Variants in ZNF878 observed in about 807,000 individuals in gnomAD.
ZNF878 encodes zinc finger protein 878.
Under a neutral mutation model 11.1 loss-of-function variants are expected in ZNF878, and 10 were observed. The observed-to-expected ratio is 0.90, with a 90% confidence interval of 0.56 to 1.53. ZNF878 has a LOEUF of 1.53. Ranked by LOEUF, ZNF878 falls within the 40% of genes most tolerant of loss-of-function variation. ZNF878 has a pLI of 0.00. For missense variants in ZNF878, 548 were observed against 626.1 expected (o/e 0.88, Z 1.33); for synonymous variants, 165 against 209.7 (o/e 0.79, Z 1.84).
intron 3 of ZNF878, 31 bp downstream of exon 3, chr19:12,046,337 G>T (rs766108997): frequency 1.4e-6 from 2 of 1,469,408 alleles, no homozygotes; most frequent in Non-Finnish European, 1.9e-6. Flanking sequence ...TGTATACAGA[G>T]ACATTGTTTT....
chr19:12,046,832 G>A (rs1349381790), intron 1 of ZNF878, 72 bp from the exon 2 acceptor site: 1 of 1,589,560 alleles, frequency 6.3e-7, no homozygotes, highest in Admixed American at 1.8e-5. Flanking sequence ...CCTATTCCTA[G>A]GAAGTTCTCA....
chr19:12,048,087 A>ATGTTGAGTTTGCAACAT (rs1383781116), intron 1 of ZNF878, among the ~76,000 whole-genome samples: 2 of 152,360 alleles, frequency 1.3e-5, no homozygotes, highest in East Asian at 3.9e-4. Context: ...GACTCAACAC[A>ATGTTGAGTTTGCAACAT]GTGGCATGTT....
chr19:12,046,189 C>T (rs1466248750), intron 3 of ZNF878, 179 bp downstream of exon 3: 1 of 531,728 alleles, frequency 1.9e-6, no homozygotes, highest in African/African-American at 1.9e-5. Flanking sequence ...ATCCTGACCT[C>T]CAAAAGGGCT....
chr19:12,043,773 A>C, downstream of ZNF878: 1 of 1,542,976 alleles, frequency 6.5e-7, no homozygotes, highest in South Asian at 1.3e-5. Flanking sequence ...CCATCTAAGG[A>C]CTTTACCATA....
In ZNF878 at chr19:12,044,314, C is replaced by T. The variant is rs372017679; in HGVS notation, c.1087G>A (p.Gly363Arg). The T allele has an allele frequency of 1.1e-5, 18 of 1,612,688 alleles. No homozygotes were observed. Among genetic ancestry groups the T allele is most frequent in the African/African-American group, 2.7e-5 (2 of 74,884 alleles). ...TGTTTACATTCAAAGGGTTTCTCTCCAGTGTGTGTCCTTTCATGTATTCGA... is the reference window on the plus strand; with the variant it reads ...TGTTTACATTCAAAGGGTTTCTCTCTAGTGTGTGTCCTTTCATGTATTCGA... ...DLRIHERTHTGEKPFECKQCG... is the reference protein window; with the variant it reads ...DLRIHERTHTREKPFECKQCG... The change falls in exon 4 of 4, where the codon GGA (glycine) becomes AGA (arginine). Residue 363 changes from glycine to arginine, a missense_variant. This residue lies in a region of ZNF878 where 335 missense variants were observed against 358.2 expected (regional missense o/e 0.94). Transcript: ENST00000547628.
chr19:12,044,559 T>C lies in ZNF878; in HGVS notation c.842A>G (p.Lys281Arg). ...QYHERTHSGE[K>R]PYECTQCRKA... ...CCTACATTGTGTACACTCATAGGGT[T>C]TCTCTCCACTGTGAGTCCTTTCATG... Residue 281 changes from lysine to arginine, a missense_variant, in exon 4 of 4, where the codon AAA becomes AGA. By Grantham distance (26) the Lys-to-Arg change is conservative (BLOSUM62 2). This residue lies in a region of ZNF878 where 335 missense variants were observed against 358.2 expected (regional missense o/e 0.94). Transcript: ENST00000547628. 1 of 1,614,112 alleles carries C rather than the reference T, an allele frequency of 6.2e-7. No homozygotes were observed. Among genetic ancestry groups the C allele is most frequent in the Non-Finnish European group, 8.5e-7 (1 of 1,180,018 alleles).
intron 1 of ZNF878, 118 bp downstream of exon 1, chr19:12,052,681 G>C: frequency 7.7e-7 from 1 of 1,306,020 alleles, no homozygotes; most frequent in East Asian, 2.6e-5. Flanking sequence ...GCGCTAGGGG[G>C]ACTGTGTCTG....
chr19:12,045,949 G>T (rs986746619), intron 3 of ZNF878: 1 of 156,464 alleles, frequency 6.4e-6, no homozygotes, highest in Admixed American at 6.4e-5. Context: ...TCAATCTCTT[G>T]ACCTCATGAT....
rs768724522 is a variant in ZNF878, at chr19:12,046,435, T to C, written c.131-7A>G. On this transcript the variant is annotated splice_polypyrimidine_tract_variant and splice_region_variant and intron_variant, in intron 2 of 3. Transcript: ENST00000547628. The stretch of plus-strand genomic sequence containing the variant: ...TGGTTGTTCCATTTTTTTCCTAAAA[T>C]GCGGACCCAGAAAAATAGTCCTGAA... 2.2e-5 allele frequency: 34 copies of C among 1,574,522 alleles called. No homozygotes were observed. Among genetic ancestry groups the C allele is most frequent in the Non-Finnish European group, 2.7e-5 (31 of 1,160,088 alleles).
chr19:12,043,632 C>T (rs996613775), downstream of ZNF878, among the ~76,000 whole-genome samples: 44 of 152,252 alleles, frequency 2.9e-4, no homozygotes, highest in African/African-American at 1.0e-3. Context: ...ATAGAGATAA[C>T]GTCTCACCAT....
In ZNF878 at chr19:12,044,967, C is replaced by T; in HGVS notation, c.434G>A (p.Cys145Tyr). 1.2e-6 allele frequency: 2 copies of T among 1,614,178 alleles called. No individual in the cohort carries two copies. The highest frequency in any genetic ancestry group is 1.7e-6 in the Non-Finnish European group (2 of 1,180,050). The change falls in exon 4 of 4, where the codon TGT (cysteine) becomes TAT (tyrosine). Residue 145 changes from cysteine to tyrosine, a missense_variant. Physicochemically the swap from Cys to Tyr is radical, Grantham distance 194. Transcript: ENST00000547628. Reference protein sequence around the residue: ...RTHTGEKPYECKECGKAFRFP... With the variant: ...RTHTGEKPYEYKECGKAFRFP... ...CCTGAATGCTTTCCCACATTCCTTACATTCATAAGGCTTTTCCCCAGTGTG... is the reference window on the plus strand; with the variant it reads ...CCTGAATGCTTTCCCACATTCCTTATATTCATAAGGCTTTTCCCCAGTGTG...
rs766365886 is a variant in ZNF878, at chr19:12,044,205, T to A, written c.1196A>T (p.Gln399Leu). The A allele has an allele frequency of 1.2e-6, 2 of 1,614,138 alleles. No individual in the cohort carries two copies. The highest frequency in any genetic ancestry group is 1.1e-5 in the South Asian group (1 of 91,072). ...GGCAGATCTGAAGGCTTTCCCACAT[T>A]GCTTACACTCATAGGGTTTCTCTCC... ...HTGEKPYECK[Q>L]CGKAFRSASV... The change falls in exon 4 of 4, where the codon CAA becomes CTA. Residue 399 changes from glutamine to leucine, a missense_variant. By Grantham distance (113) the Gln-to-Leu change is moderately radical. Coordinates refer to ENST00000547628, the MANE Select transcript of ZNF878 (RefSeq NM_001080404.3).
intron 3 of ZNF878, 63 bp downstream of exon 3, chr19:12,046,305 A>T (rs1975486614): frequency 8.1e-7 from 1 of 1,238,484 alleles, no homozygotes; most frequent in African/African-American, 1.5e-5. Context: ...CTTCTTTTTA[A>T]CCTTTTCTTC....
At chr19:12,051,800 G>C (rs1441511019) in intron 1 of ZNF878, among the ~76,000 whole-genome samples, 1 of 152,066 alleles carries the variant, frequency 6.6e-6, no homozygotes, top group Middle Eastern at 3.4e-3. Context: ...CCAGCTACTC[G>C]GGAGGCTGAG....
chr19:12,044,569 T>G lies in ZNF878; in HGVS notation c.832A>C (p.Ser278Arg). 1 of 1,614,150 alleles carries G rather than the reference T, an allele frequency of 6.2e-7. No individual in the cohort carries two copies. Among genetic ancestry groups the G allele is most frequent in the Non-Finnish European group, 8.5e-7 (1 of 1,180,020 alleles). Residue 278 changes from serine to arginine, a missense_variant, in exon 4 of 4, where the codon AGT becomes CGT. Physicochemically the swap from Ser to Arg is moderately radical, Grantham distance 110 (BLOSUM62 -1). Around this residue, in one of 3 missense-constraint regions of ZNF878, gnomAD observed 335 missense variants for 358.2 expected, o/e 0.94. Transcript: ENST00000547628. The stretch of plus-strand genomic sequence containing the variant: ...GTACACTCATAGGGTTTCTCTCCAC[T>G]GTGAGTCCTTTCATGATATTGAAAG... The part of the protein sequence containing the change: ...SSFQYHERTH[S>R]GEKPYECTQC...
chr19:12,052,838 G>A lies in ZNF878; in HGVS notation c.-37C>T. On this transcript the variant is annotated 5_prime_UTR_variant, in exon 1 of 4. Transcript: ENST00000547628. ...CAGGTATTCTGGCGTCCTCTCTAAA[G>A]GTCCCGTGAACAGTGCAGGTCACAG... 17 of 1,535,928 alleles carry A rather than the reference G, an allele frequency of 1.1e-5. No homozygotes were observed. Among genetic ancestry groups the A allele is most frequent in the Non-Finnish European group, 1.5e-5 (17 of 1,146,710 alleles).
Position 12,045,539 on chromosome 19 carries a change from G to A in ZNF878, c.192-330C>T, listed in dbSNP as rs1331466745. Among the ~76,000 whole-genome samples the A allele has an allele frequency of 6.6e-5, 10 of 151,744 alleles. 1 individual carries two copies. The highest frequency in any genetic ancestry group is 4.2e-4 in the South Asian group (2 of 4,798). ...GGCAGGTGCCTGCAGTCCCAGCTAC[G>A]GGGAGGCTGAGGCAGGAGAATAGTG... On this transcript the variant is annotated intron_variant, in intron 3 of 3. Coordinates refer to ENST00000547628, the MANE Select transcript of ZNF878 (RefSeq NM_001080404.3).
intron 1 of ZNF878, among the ~76,000 whole-genome samples, chr19:12,050,092 G>A (rs933566082): frequency 6.6e-6 from 1 of 152,022 alleles, no homozygotes; most frequent in Non-Finnish European, 1.5e-5. Flanking sequence ...AGGTATGGTG[G>A]CATGCACCTG....
Position 12,045,116 on chromosome 19 carries a change from TTTC to T in ZNF878, c.282_284del (p.Lys95del). The T allele has an allele frequency of 6.2e-7, 1 of 1,613,280 alleles. No individual in the cohort carries two copies. Among genetic ancestry groups the T allele is most frequent in the Non-Finnish European group, 8.5e-7 (1 of 1,179,560 alleles). On this transcript the variant is annotated inframe_deletion, in exon 4 of 4. Transcript: ENST00000547628. ...TTTCATATGATTGTACTCCAGGAGT[TTTC>T]TTCTTCAGTGTGTCATCTGGAACCT...
Sources: allele counts gnomAD v4.1 joint callset (sites outside exome capture counted in the v4.1 genomes callset), GRCh38; gene constraint gnomAD v4.1.1; regional missense constraint gnomAD v4.1.1; transcripts MANE v1.5; gene names NCBI Gene and HGNC (gene_info 2026-07-23, HGNC 2026-07-21).